NCKAP5: variants seen among roughly 807,000 people sequenced by gnomAD.
NCKAP5 encodes NCK associated protein 5.
In NCKAP5, 92 loss-of-function variants were observed where a neutral mutation model predicts 167.0. The observed-to-expected ratio is 0.55, with a 90% confidence interval of 0.47 to 0.66. The LOEUF (loss-of-function observed/expected upper bound fraction) is 0.66, where lower values mean the gene tolerates loss of function less well. Ranked by LOEUF, NCKAP5 falls within the 30% of genes least tolerant of loss-of-function variation. The pLI is 0.00. For synonymous variants in NCKAP5, 891 were observed against 877.4 expected (o/e 1.02, Z -0.27); for missense variants, 2,378 against 2,315.0 (o/e 1.03, Z -0.56).
chr2:133,491,844 G>T (rs909798661), intron 3 of NCKAP5, among the ~76,000 whole-genome samples: 2 of 152,186 alleles, frequency 1.3e-5, no homozygotes, highest in Admixed American at 6.5e-5. Context: ...TCAGCATATT[G>T]TTTGCCACAT....
chr2:133,165,344 C>G (rs986223005), intron 5 of NCKAP5, among the ~76,000 whole-genome samples: 1 of 152,170 alleles, frequency 6.6e-6, no homozygotes, highest in African/African-American at 2.4e-5. Flanking sequence ...TGCAACCCAG[C>G]TTTTCTCCTC....
At chr2:133,148,745 T>G (rs1302869840) in intron 5 of NCKAP5, among the ~76,000 whole-genome samples, 1 of 152,126 alleles carries the variant, frequency 6.6e-6, no homozygotes, top group Non-Finnish European at 1.5e-5. Context: ...AAGCAAGCTC[T>G]CTGAAGTCTC....
chr2:133,619,160 T>A, the NCKAP5 span, among the ~76,000 whole-genome samples: 5 of 65,502 alleles, frequency 7.6e-5, no homozygotes, highest in Admixed American at 4.5e-4. Context: ...TGTTGTGGGG[T>A]GGGGGGAGGG....
intron 6 of NCKAP5, among the ~76,000 whole-genome samples, chr2:133,041,827 CAAGT>C (rs1416190834): frequency 6.6e-6 from 1 of 152,076 alleles, no homozygotes; most frequent in African/African-American, 2.4e-5. Context: ...TTTAGCCACA[CAAGT>C]AAAAAGGAAA....
intron 8 of NCKAP5, among the ~76,000 whole-genome samples, chr2:132,937,822 A>G (rs1696972046): frequency 3.9e-5 from 6 of 152,244 alleles, no homozygotes; most frequent in Admixed American, 3.9e-4. Context: ...CACTATAAAT[A>G]CACAAAGTAA....
At chr2:132,787,277 G>T (rs1290142995) in intron 13 of NCKAP5, among the ~76,000 whole-genome samples, 1 of 151,536 alleles carries the variant, frequency 6.6e-6, no homozygotes, top group Non-Finnish European at 1.5e-5. Context: ...GAACCTGGGA[G>T]GCGGACATTG....
chr2:133,299,057 A>G (rs1185449529), intron 4 of NCKAP5, among the ~76,000 whole-genome samples: 1 of 151,860 alleles, frequency 6.6e-6, no homozygotes, highest in Non-Finnish European at 1.5e-5. Context: ...TAAATAAATA[A>G]ATAAATAAAA....
chr2:133,490,925 A>C (rs923460511), intron 3 of NCKAP5, among the ~76,000 whole-genome samples: 1 of 152,242 alleles, frequency 6.6e-6, no homozygotes, highest in African/African-American at 2.4e-5. Flanking sequence ...TAAGAGGAGT[A>C]AGTTTCCCTC....
chr2:133,431,184 G>A lies in NCKAP5; in HGVS notation c.69+86274C>T, dbSNP rs1348278750. ...TGCTGATGAGACAGATAGGAAACTA[G>A]CACTGCATTTAAAAATACTTCAGAA... On this transcript the variant is annotated intron_variant, in intron 3 of 19. Transcript: ENST00000409261. Among the ~76,000 whole-genome samples, 3 of 152,076 alleles carry A rather than the reference G, an allele frequency of 2.0e-5. No homozygotes were observed. The East Asian group carries it at 5.8e-4, about 29-fold the overall frequency.
intron 18 of NCKAP5, among the ~76,000 whole-genome samples, chr2:132,727,215 CT>C (rs879818157): frequency 3.3e-5 from 5 of 151,848 alleles, no homozygotes; most frequent in African/African-American, 9.7e-5. Context: ...GCAAGAGTAA[CT>C]TTTTTTTTCC....
chr2:133,236,451 C>G (rs1185598532), intron 4 of NCKAP5, among the ~76,000 whole-genome samples: 1 of 152,016 alleles, frequency 6.6e-6, no homozygotes, highest in Non-Finnish European at 1.5e-5. Context: ...GTGAAGTGAC[C>G]AGCATAATTA....
chr2:132,751,930 G>A (rs546343097), intron 16 of NCKAP5, among the ~76,000 whole-genome samples: 1 of 152,268 alleles, frequency 6.6e-6, no homozygotes, highest in South Asian at 2.1e-4. Context: ...CTGGTTCAAG[G>A]GGGAAAAGAC....
At chr2:132,801,733 G>A (rs966975456) in intron 11 of NCKAP5, among the ~76,000 whole-genome samples, 1 of 152,206 alleles carries the variant, frequency 6.6e-6, no homozygotes, top group South Asian at 2.1e-4. Flanking sequence ...GGGTTCACTT[G>A]CCTTCATTCA....
At position 133,468,717 on chromosome 2, in the gene NCKAP5, A is replaced by C. The variant is rs1198565432; in HGVS notation, c.69+48741T>G. On this transcript the variant is annotated intron_variant, in intron 3 of 19. Coordinates refer to ENST00000409261, the MANE Select transcript of NCKAP5 (RefSeq NM_207363.3). ...TCCTGTATTGGGTGCATATATATTT[A>C]GGATAGTCAGCTGTTCTTGTTGAAT... is the stretch of plus-strand genomic sequence containing the variant. 1.3e-5 allele frequency among the ~76,000 whole-genome samples: 2 copies of C among 152,224 alleles called. 1 individual carries two copies. Among genetic ancestry groups the C allele is most frequent in the Non-Finnish European group, 2.9e-5 (2 of 68,040 alleles).
At chr2:133,558,703 G>GTAAAAA (rs1687926915) in intron 2 of NCKAP5, among the ~76,000 whole-genome samples, 1 of 5,212 alleles carries the variant, frequency 1.9e-4, no homozygotes, top group East Asian at 9.6e-3. Context: ...AATGTGCTGA[G>GTAAAAA]CAAAAAAAAA....
intron 3 of NCKAP5, among the ~76,000 whole-genome samples, chr2:133,332,473 A>G (rs537797480): frequency 4.1e-4 from 62 of 152,266 alleles, no homozygotes; most frequent in African/African-American, 1.3e-3. Flanking sequence ...TATGCAACCA[A>G]TTATCTCAGG....
intron 6 of NCKAP5, 43 bp downstream of exon 6, chr2:133,129,935 G>C (rs368808577): frequency 1.6e-5 from 25 of 1,542,436 alleles, no homozygotes; most frequent in Admixed American, 6.4e-5. Context: ...GGTGCAGAGA[G>C]AGATGCACCT....
chr2:133,283,641 C>T (rs1172373429), intron 4 of NCKAP5, among the ~76,000 whole-genome samples: 5 of 149,270 alleles, frequency 3.3e-5, no homozygotes, highest in East Asian at 1.9e-4. Flanking sequence ...GACAGAGTCT[C>T]GCTCTGTTGC....
intron 5 of NCKAP5, among the ~76,000 whole-genome samples, chr2:133,147,966 GA>G (rs1007021760): frequency 6.6e-6 from 1 of 152,072 alleles, no homozygotes; most frequent in Non-Finnish European, 1.5e-5. Context: ...GTTAGATCTT[GA>G]AATTTTTATC....
Sources: allele counts gnomAD v4.1 joint callset (sites outside exome capture counted in the v4.1 genomes callset), GRCh38; gene constraint gnomAD v4.1.1; transcripts MANE v1.5; gene names NCBI Gene and HGNC (gene_info 2026-07-23, HGNC 2026-07-21).